Variants in SLC20A2 observed in about 807,000 individuals in gnomAD.
The protein encoded by SLC20A2 is solute carrier family 20 member 2.
Under a neutral mutation model 61.0 loss-of-function variants are expected in SLC20A2, and 30 were observed. The ratio of observed to expected loss-of-function variants is 0.49; its 90% confidence interval spans 0.37 to 0.67. SLC20A2 has a LOEUF of 0.67. SLC20A2 is among the 30% of genes least tolerant of loss of function. The probability of loss-of-function intolerance (pLI) is 0.00; values close to 1 mark genes in which losing one functional copy is unlikely to be tolerated. For missense variants in SLC20A2, 626 were observed against 866.4 expected, an observed-to-expected ratio of 0.72 and a Z score of 3.48; for synonymous variants, 351 against 353.3, an observed-to-expected ratio of 0.99 and a Z score of 0.07.
intron 1 of SLC20A2, among the ~76,000 whole-genome samples, chr8:42,492,862 G>C (rs893329445): frequency 2.6e-5 from 4 of 152,016 alleles, no homozygotes; most frequent in African/African-American, 9.7e-5. Context: ...TGTATTTTTA[G>C]TAGAGAGACG....
rs1454436500 is a variant in SLC20A2, at chr8:42,416,643, C to T, written c.*1160G>A. 2.0e-5 allele frequency: 3 copies of T among 152,620 alleles called. No homozygotes were observed. Among genetic ancestry groups the T allele is most frequent in the African/African-American group, 4.8e-5 (2 of 41,450 alleles). The allele number at this position is 152,620 out of a possible 1,614,324, so 9.5% of individuals were successfully genotyped here. ...CTCCCGCTATCAAAAAAAGAAGAGA[C>T]TCCAATGGGATGGAGTAGAGCCTGG... On this transcript the variant is annotated 3_prime_UTR_variant, in exon 11 of 11. Transcript: ENST00000520262.
At position 42,532,156 on chromosome 8, in the gene SLC20A2, G is replaced by A. The variant is rs185049188; in HGVS notation, c.-265+9665C>T. On this transcript the variant is annotated intron_variant, in intron 1 of 10. Coordinates refer to the SLC20A2 transcript ENST00000342228. ...TCTGTCTGCTTTGTTAACTACTGAA[G>A]GTCTTAAAACTTAAAGGAGAATGTA... Among the ~76,000 whole-genome samples the A allele has an allele frequency of 2.3e-3, 343 of 152,000 alleles. 2 individuals carry two copies. Among genetic ancestry groups the A allele is most frequent in the African/African-American group, 7.9e-3 (329 of 41,454 alleles).
intron 5 of SLC20A2, among the ~76,000 whole-genome samples, chr8:42,448,183 A>T (rs150169427): frequency 1.9e-3 from 286 of 152,354 alleles, no homozygotes; most frequent in African/African-American, 6.5e-3. Context: ...TGGTTCCTGA[A>T]GAGGTTTCCC....
At chr8:42,439,411 G>T in intron 7 of SLC20A2, 39 bp downstream of exon 7, 1 of 1,606,442 alleles carries the variant, frequency 6.2e-7, no homozygotes. Flanking sequence ...GAACTTCTCT[G>T]TGCTGCCACA....
chr8:42,541,516 AGG>A (rs1813159939), intron 1 of SLC20A2: 2 of 115,336 alleles, frequency 1.7e-5, no homozygotes, highest in East Asian at 2.7e-4. Flanking sequence ...AAAAGGGGAA[AGG>A]AAAAAAAAAA....
chr8:42,528,375 T>C (rs1812113299), intron 1 of SLC20A2, among the ~76,000 whole-genome samples: 1 of 151,160 alleles, frequency 6.6e-6, no homozygotes. Flanking sequence ...GGCAGGACAA[T>C]GGCGTGAACC....
rs567107273 is a variant in SLC20A2, at chr8:42,476,968, G to A, written c.-264-4314C>T. 4.6e-5 allele frequency among the ~76,000 whole-genome samples: 7 copies of A among 151,970 alleles called. 1 individual carries two copies. The highest frequency in any genetic ancestry group is 1.3e-4 in the Admixed American group (2 of 15,296). ...CCGTGGGGACTGTGGCAGATGCCTC[G>A]CCACTGGTTACATGTAAACGCAAAG... On this transcript the variant is annotated intron_variant, in intron 1 of 10. Coordinates refer to ENST00000520262, the MANE Select transcript of SLC20A2 (RefSeq NM_001257180.2).
At chr8:42,479,026 C>T (rs187090367) in intron 1 of SLC20A2, among the ~76,000 whole-genome samples, 25 of 152,154 alleles carry the variant, frequency 1.6e-4, no homozygotes, top group East Asian at 5.8e-4. Context: ...AGCGAGAAGA[C>T]GGATCGAGGA....
At chr8:42,422,628 C>T (rs954657317) in intron 10 of SLC20A2, among the ~76,000 whole-genome samples, 5 of 152,044 alleles carry the variant, frequency 3.3e-5, no homozygotes, top group African/African-American at 1.2e-4. Flanking sequence ...ACCCGCCCCA[C>T]CCCTAGCCCC....
intron 3 of SLC20A2, among the ~76,000 whole-genome samples, chr8:42,464,090 A>ATTT (rs1563488008): frequency 5.3e-3 from 106 of 20,010 alleles, no homozygotes; most frequent in African/African-American, 0.011. Context: ...AGGCTGGATG[A>ATTT]TCTTTTTTTT....
At chr8:42,511,276 A>G (rs996184891) in intron 1 of SLC20A2, among the ~76,000 whole-genome samples, 1 of 152,216 alleles carries the variant, frequency 6.6e-6, no homozygotes, top group Non-Finnish European at 1.5e-5. Context: ...ATGTTTTCTA[A>G]TTTGTAATAG....
At chr8:42,489,827 G>T (rs1465931136) in intron 1 of SLC20A2, among the ~76,000 whole-genome samples, 1 of 152,174 alleles carries the variant, frequency 6.6e-6, no homozygotes, top group Non-Finnish European at 1.5e-5. Flanking sequence ...CCACAGTTCA[G>T]GGAGTAAGGG....
chr8:42,494,724 TA>T (rs749083836), intron 1 of SLC20A2, among the ~76,000 whole-genome samples: 2 of 152,366 alleles, frequency 1.3e-5, no homozygotes, highest in Non-Finnish European at 2.9e-5. Context: ...TTTATTCAAC[TA>T]TTAGGTCCAT....
intron 1 of SLC20A2, among the ~76,000 whole-genome samples, chr8:42,486,064 A>G (rs1563513374): frequency 6.6e-6 from 1 of 152,142 alleles, no homozygotes; most frequent in African/African-American, 2.4e-5. Flanking sequence ...TAAATTAGTT[A>G]AGAAAGAAAA....
At chr8:42,520,381 A>T (rs536768228) in intron 1 of SLC20A2, among the ~76,000 whole-genome samples, 136 of 152,108 alleles carry the variant, frequency 8.9e-4, no homozygotes, top group Non-Finnish European at 1.6e-3. Flanking sequence ...CAAAAAAATA[A>T]ATAAGTAAAA....
At chr8:42,471,782 T>G (rs1210109203) in intron 2 of SLC20A2, among the ~76,000 whole-genome samples, 3 of 152,192 alleles carry the variant, frequency 2.0e-5, no homozygotes, top group African/African-American at 7.2e-5. Context: ...TAGACAACCT[T>G]CAAACAACTC....
chr8:42,445,823 G>A (rs575302967), intron 5 of SLC20A2, among the ~76,000 whole-genome samples: 1 of 152,344 alleles, frequency 6.6e-6, no homozygotes. Flanking sequence ...GCAGGAAGCT[G>A]CCATCTGGAC....
intron 10 of SLC20A2, among the ~76,000 whole-genome samples, chr8:42,425,084 T>C (rs1441681624): frequency 6.6e-6 from 1 of 152,136 alleles, no homozygotes; most frequent in African/African-American, 2.4e-5. Context: ...CACTTAGCCA[T>C]GTACACTTAG....
At chr8:42,468,422 G>A (rs1458941819) in intron 2 of SLC20A2, among the ~76,000 whole-genome samples, 1 of 152,198 alleles carries the variant, frequency 6.6e-6, no homozygotes, top group Non-Finnish European at 1.5e-5. Flanking sequence ...GCAGGGAGGG[G>A]AGGAGACAGG....
Sources: allele counts gnomAD v4.1 joint callset (sites outside exome capture counted in the v4.1 genomes callset), GRCh38; gene constraint gnomAD v4.1.1; transcripts MANE v1.5; gene names NCBI Gene and HGNC (gene_info 2026-07-23, HGNC 2026-07-21).